CROCC: variants seen among roughly 807,000 people sequenced by gnomAD.
The protein encoded by CROCC is rootletin.
Under a neutral mutation model 245.2 loss-of-function variants are expected in CROCC, and 180 were observed. The observed-to-expected ratio is 0.73, with a 90% CI of 0.65 to 0.83. The LOEUF (loss-of-function observed/expected upper bound fraction) is 0.83. Among genes scored for constraint, CROCC ranks in the 40% least tolerant of loss-of-function variants. The probability of loss-of-function intolerance (pLI) is 0.00; values close to 1 mark genes in which losing one functional copy is unlikely to be tolerated. For missense variants in CROCC, 2,688 were observed against 2,779.4 expected (o/e 0.97, Z 0.74); for synonymous variants, 1,205 against 1,241.6 (o/e 0.97, Z 0.62).
In CROCC at chr1:16,924,448, T is replaced by C; in HGVS notation, c.320T>C (p.Leu107Pro). 6.2e-7 allele frequency: 1 copy of C among 1,613,486 alleles called. No individual in the cohort carries two copies. The highest frequency in any genetic ancestry group is 8.5e-7 in the Non-Finnish European group (1 of 1,179,904). ...CAGAGCCGTGCCGAGCGCGATGAGC[T>C]CGCCATTAAGTACAATGCGGTCAGC... ...LAQSRAERDE[L>P]AIKYNAVSER... The change falls in exon 3 of 37, where the codon CTC (leucine) becomes CCC (proline). Residue 107 changes from leucine to proline, a missense_variant. Leu to Pro is a moderately conservative substitution (Grantham distance 98). Coordinates refer to ENST00000375541, the MANE Select transcript of CROCC (RefSeq NM_014675.5).
At position 16,966,689 on chromosome 1, in the gene CROCC, G is replaced by C; in HGVS notation, c.4860+118G>C. 1.7e-6 allele frequency: 2 copies of C among 1,201,846 alleles called. No individual in the cohort carries two copies. Among genetic ancestry groups the C allele is most frequent in the Non-Finnish European group, 2.2e-6 (2 of 900,112 alleles). The allele number at this position is 1,201,846 out of a possible 1,614,324, so 74.4% of individuals were successfully genotyped here. The stretch of plus-strand genomic sequence containing the variant: ...CCTGAGTCTCTCTGCAACCCACTGA[G>C]GTGACCAGCCTGTGACTCTGTGAAA... On this transcript the variant is annotated intron_variant, in intron 30 of 36. Transcript: ENST00000375541. The surrounding 1 kb of genome is among the most constrained non-coding windows in gnomAD (Gnocchi z 4.8).
At chr1:16,961,156 A>AG (rs1246994532) in intron 27 of CROCC, 26 bp downstream of exon 27, 4 of 1,260,518 alleles carry the variant, frequency 3.2e-6, no homozygotes, top group African/African-American at 1.7e-5. Context: ...CGCGCAGGGA[A>AG]GGGGGGAGGT....
At position 16,948,395 on chromosome 1, in the gene CROCC, A is replaced by C. The variant is rs892286674; in HGVS notation, c.2579A>C (p.Gln860Pro). The C allele has an allele frequency of 6.3e-7, 1 of 1,577,738 alleles. No individual in the cohort carries two copies. Among genetic ancestry groups the C allele is most frequent in the Non-Finnish European group, 8.6e-7 (1 of 1,164,480 alleles). The change falls in exon 18 of 37, where the codon CAA becomes CCA. Residue 860 changes from glutamine to proline, a missense_variant. This residue lies in a region of CROCC where 295 missense variants were observed against 241.7 expected (regional missense o/e 1.22). Coordinates refer to ENST00000375541, the MANE Select transcript of CROCC (RefSeq NM_014675.5). ...CAGGCCCGGCGGGAGGCCCAGCGGC[A>C]AGTGGAGGCGCTGGAGCGAGCGGCC... ...LEQARREAQRQVEALERAARE... is the reference protein window; with the variant it reads ...LEQARREAQRPVEALERAARE...
chr1:16,972,582 GT>G lies in CROCC; in HGVS notation c.*137del. The G allele has an allele frequency of 1.7e-6, 1 of 594,354 alleles. No homozygotes were observed. The highest frequency in any genetic ancestry group is 2.9e-6 in the Non-Finnish European group (1 of 339,242). 36.8% of individuals were successfully genotyped at this position (594,354 alleles called of 1,614,324 possible). A position where few individuals can be genotyped will look rare whatever the true frequency, so the allele number is the denominator to read the frequency against. On this transcript the variant is annotated 3_prime_UTR_variant, in exon 37 of 37. Transcript: ENST00000375541. ...GGGATGAGGAGGCGCTCTGCTGGCA[GT>G]GCTGAGGACGGGTACTCCAGCTCCA...
intron 36 of CROCC, 126 bp downstream of exon 36, chr1:16,971,773 T>TGGCTCTGCGCTGGTGTC: frequency 9.9e-7 from 1 of 1,011,584 alleles, no homozygotes; most frequent in Non-Finnish European, 1.4e-6. Context: ...AGGGTGGGGT[T>TGGCTCTGCGCTGGTGTC]GGCTCTGCGC....
At chr1:16,946,532 G>A in intron 16 of CROCC, 127 bp downstream of exon 16, 1 of 1,379,960 alleles carries the variant, frequency 7.2e-7, no homozygotes. Flanking sequence ...TTCTCTGTCT[G>A]TCTCTGGTTC....
chr1:16,919,930 C>A (rs1405645383), upstream of CROCC, among the ~76,000 whole-genome samples: 1 of 152,262 alleles, frequency 6.6e-6, no homozygotes, highest in Non-Finnish European at 1.5e-5. Context: ...CTTGCCCTGT[C>A]ACCCAGGCTG....
chr1:16,965,696 A>T, intron 27 of CROCC, 27 bp from the exon 28 acceptor site: 1 of 1,542,944 alleles, frequency 6.5e-7, no homozygotes. Context: ...CTTCTGCATC[A>T]CTGAGCAAGT....
chr1:16,962,328 G>A (rs1237280274), intron 27 of CROCC, among the ~76,000 whole-genome samples: 2 of 150,892 alleles, frequency 1.3e-5, no homozygotes, highest in Non-Finnish European at 3.0e-5. Flanking sequence ...GGCGGATCAC[G>A]AGGTCAGGAG....
At chr1:16,946,641 T>C in intron 16 of CROCC, 120 bp from the exon 17 acceptor site, 1 of 1,188,352 alleles carries the variant, frequency 8.4e-7, no homozygotes, top group East Asian at 2.5e-5. Flanking sequence ...CCAAGGGCAC[T>C]GTCCCTCATT....
At chr1:16,957,816 A>G (rs776328734) in intron 25 of CROCC, among the ~76,000 whole-genome samples, 1 of 152,176 alleles carries the variant, frequency 6.6e-6, no homozygotes, top group Non-Finnish European at 1.5e-5. Flanking sequence ...ATAGCCAGAG[A>G]TATTCTGATA....
At chr1:16,924,884 G>A (rs565163934) in intron 3 of CROCC, among the ~76,000 whole-genome samples, 3 of 152,368 alleles carry the variant, frequency 2.0e-5, no homozygotes, top group South Asian at 4.1e-4. Flanking sequence ...ATGCTGGCTC[G>A]AGGCTGGTGT....
intron 14 of CROCC, among the ~76,000 whole-genome samples, chr1:16,944,750 C>T (rs2076008992): frequency 1.3e-5 from 2 of 152,338 alleles, no homozygotes; most frequent in South Asian, 4.1e-4. Context: ...ACACAGTTAG[C>T]AGAAGAGCCA....
Position 16,944,161 on chromosome 1 carries a change from C to A in CROCC, c.1870C>A (p.Gln624Lys), listed in dbSNP as rs1279490287. 61 of 1,557,114 alleles carry A rather than the reference C, an allele frequency of 3.9e-5. No individual in the cohort carries two copies. Among genetic ancestry groups the A allele is most frequent in the Non-Finnish European group, 5.0e-5 (57 of 1,150,344 alleles). The change falls in exon 14 of 37, where the codon CAG becomes AAG. Residue 624 changes from glutamine (Q) to lysine (K), a missense_variant. Gln to Lys is a moderately conservative substitution (Grantham distance 53). Transcript: ENST00000375541. ...CCAGCAGCAGGCCGAGGAGCTGCGG[C>A]AGGAGCGGGAGAAGCTGCAGGCTGC... ...VAQQQAEELR[Q>K]EREKLQAAQE...
intron 3 of CROCC, among the ~76,000 whole-genome samples, chr1:16,924,720 A>T (rs2075491983): frequency 6.6e-6 from 1 of 152,296 alleles, no homozygotes; most frequent in Admixed American, 6.5e-5. Flanking sequence ...AGATAATAGA[A>T]TAAAGTGCCT....
At chr1:16,950,060 C>T (rs1326635988) in intron 19 of CROCC, among the ~76,000 whole-genome samples, 7 of 147,768 alleles carry the variant, frequency 4.7e-5, no homozygotes, top group South Asian at 4.3e-4. Context: ...TGAGCCATCA[C>T]GCCCAGCCTG....
At position 16,922,644 on chromosome 1, in the gene CROCC, C is replaced by A; in HGVS notation, c.61-19C>A. Reference sequence around the variant, plus strand: ...CCCGGGTCCCATGTCCCCTGAAGACCCTCTCGCTTTTCCCACAGACACTGG... The same window carrying A: ...CCCGGGTCCCATGTCCCCTGAAGACACTCTCGCTTTTCCCACAGACACTGG... On this transcript the variant is annotated intron_variant, in intron 1 of 36. Transcript: ENST00000375541. The A allele has an allele frequency of 6.3e-7, 1 of 1,591,190 alleles. No homozygotes were observed. The highest frequency in any genetic ancestry group is 1.1e-5 in the South Asian group (1 of 87,696).
chr1:16,922,764 T>C lies in CROCC; in HGVS notation c.162T>C (p.Ile54=). 1 of 1,613,780 alleles carries C rather than the reference T, an allele frequency of 6.2e-7. No individual in the cohort carries two copies. The highest frequency in any genetic ancestry group is 8.5e-7 in the Non-Finnish European group (1 of 1,179,966). Residue 54 remains isoleucine (I), a synonymous_variant, in exon 2 of 37, where the codon ATT becomes ATC. Transcript: ENST00000375541. ...ITSLPALIRE[I]VTRNLSQPES... ...GCCTGCCTGCCCTTATCAGGGAGAT[T>C]GTCACCCGCAACCTCTCCCAGCCTG...
chr1:16,955,360 G>A lies in CROCC; in HGVS notation c.3514G>A (p.Gly1172Arg), dbSNP rs867029862. The A allele has an allele frequency of 6.2e-6, 10 of 1,607,396 alleles. No individual in the cohort carries two copies. The highest frequency in any genetic ancestry group is 2.7e-5 in the African/African-American group (2 of 74,900). The change falls in exon 24 of 37, where the codon GGG (glycine) becomes AGG (arginine). Residue 1172 changes from glycine (G) to arginine (R), a missense_variant. Around this residue, in one of 9 missense-constraint regions of CROCC, gnomAD observed 1,218 missense variants for 1,286.3 expected, o/e 0.95. Transcript: ENST00000375541. The part of the protein sequence containing the change: ...QLRLLEDARD[G>R]LRRELLEAQR... The stretch of plus-strand genomic sequence containing the variant: ...GCGTCTGCTGGAGGATGCCCGTGAC[G>A]GGCTGCGGCGGGAGCTGCTGGAGGC...
Sources: allele counts gnomAD v4.1 joint callset (sites outside exome capture counted in the v4.1 genomes callset), GRCh38; gene constraint gnomAD v4.1.1; regional missense constraint gnomAD v4.1.1; non-coding constraint Gnocchi (gnomAD v3.1); transcripts MANE v1.5; gene names NCBI Gene and HGNC (gene_info 2026-07-23, HGNC 2026-07-21).